SORCS2: variants seen among roughly 807,000 people sequenced by gnomAD.
SORCS2 encodes the protein VPS10 domain-containing receptor SorCS2.
Under a neutral mutation model 141.6 loss-of-function variants are expected in SORCS2, and 100 were observed. The observed-to-expected ratio is 0.71, with a 90% confidence interval of 0.60 to 0.83. The LOEUF (loss-of-function observed/expected upper bound fraction) is 0.83. Among genes scored for constraint, SORCS2 ranks in the 40% least tolerant of loss-of-function variants. The probability of loss-of-function intolerance (pLI) is 0.00; values close to 1 mark genes in which losing one functional copy is unlikely to be tolerated. For missense variants in SORCS2, 1,646 were observed against 1,560.2 expected (o/e 1.05, Z -0.93); for synonymous variants, 789 against 676.9 (o/e 1.17, Z -2.57).
At chr4:7,646,049 A>T (rs895469165) in intron 4 of SORCS2, among the ~76,000 whole-genome samples, 34 of 152,362 alleles carry the variant, frequency 2.2e-4, no homozygotes, top group South Asian at 4.1e-4. Flanking sequence ...CGGTCAGCAA[A>T]TGGGCCTTGC....
intron 11 of SORCS2, among the ~76,000 whole-genome samples, chr4:7,695,679 G>A (rs1577084413): frequency 1.3e-5 from 1 of 76,468 alleles, no homozygotes; most frequent in Non-Finnish European, 2.8e-5. Context: ...TGGATGGATG[G>A]ATGGATGGGT....
At chr4:7,195,267 C>A (rs1368840964) in intron 1 of SORCS2, among the ~76,000 whole-genome samples, 1 of 152,026 alleles carries the variant, frequency 6.6e-6, no homozygotes, top group Non-Finnish European at 1.5e-5. Context: ...GTCCAAGGAA[C>A]CAGAGAGGAG....
chr4:7,706,012 A>C lies in SORCS2; in HGVS notation c.1868+1728A>C. Among the ~76,000 whole-genome samples, 2 of 146,216 alleles carry C rather than the reference A, an allele frequency of 1.4e-5. 1 individual carries two copies. On this transcript the variant is annotated intron_variant, in intron 14 of 26. Transcript: ENST00000507866. ...CAGGCTGGCCTCTGCCTGGACAGGG[A>C]TGAGGCTGGGCTCTGTCTGGGCAGG...
At chr4:7,613,608 C>A (rs1300887210) in intron 3 of SORCS2, among the ~76,000 whole-genome samples, 1 of 152,156 alleles carries the variant, frequency 6.6e-6, no homozygotes, top group Non-Finnish European at 1.5e-5. Context: ...CATGGCTCAC[C>A]AAGAATGACC....
chr4:7,710,934 A>G (rs1247261082), intron 14 of SORCS2, among the ~76,000 whole-genome samples: 3 of 152,172 alleles, frequency 2.0e-5, no homozygotes, highest in Non-Finnish European at 2.9e-5. Flanking sequence ...ACGCACAGAG[A>G]AGAAAGCAGA....
At chr4:7,364,510 G>A (rs1721765417) in intron 1 of SORCS2, among the ~76,000 whole-genome samples, 1 of 152,138 alleles carries the variant, frequency 6.6e-6, no homozygotes, top group Non-Finnish European at 1.5e-5. Flanking sequence ...TCAATGGGGT[G>A]TACTCCTGAA....
chr4:7,725,831 C>G (rs1053092725), intron 20 of SORCS2, among the ~76,000 whole-genome samples: 1 of 152,244 alleles, frequency 6.6e-6, no homozygotes, highest in Non-Finnish European at 1.5e-5. Context: ...CAGCCCAGCA[C>G]CACCAGGCAG....
intron 1 of SORCS2, among the ~76,000 whole-genome samples, chr4:7,282,812 G>T (rs1049230380): frequency 1.3e-4 from 20 of 152,192 alleles, no homozygotes; most frequent in African/African-American, 4.1e-4. Context: ...AGGGGGTCTT[G>T]CCCTGTGGGA....
At chr4:7,477,173 G>C (rs1187139137) in intron 2 of SORCS2, among the ~76,000 whole-genome samples, 1 of 152,254 alleles carries the variant, frequency 6.6e-6, no homozygotes, top group African/African-American at 2.4e-5. Context: ...CTGTGGACAG[G>C]TCTCTAGATA....
intron 2 of SORCS2, among the ~76,000 whole-genome samples, chr4:7,438,203 C>T (rs1434758039): frequency 6.6e-6 from 1 of 152,196 alleles, no homozygotes; most frequent in East Asian, 1.9e-4. Flanking sequence ...GCCTCAGAGG[C>T]CTTCCATCGG....
At chr4:7,531,163 C>A (rs1711603462) in intron 2 of SORCS2, among the ~76,000 whole-genome samples, 1 of 152,234 alleles carries the variant, frequency 6.6e-6, no homozygotes, top group African/African-American at 2.4e-5. Flanking sequence ...AGGCAGTGAA[C>A]TATCCCTTTG....
At chr4:7,310,567 C>T (rs539517659) in intron 1 of SORCS2, 2 of 154,344 alleles carry the variant, frequency 1.3e-5, no homozygotes, top group Admixed American at 1.3e-4. Context: ...TACTAGTTGC[C>T]CCATGAGGCC....
rs1727072071 is a variant in SORCS2 at position 7,724,906 on chromosome 4, AGTAT to A, written c.2612-247_2612-244del. ...TGGTGGTGTTGGTGATGGTGGTGATAGTATTGGTGGGAATGGATGGTGGTAGTAG... is the reference window on the plus strand; with the variant it reads ...TGGTGGTGTTGGTGATGGTGGTGATATGGTGGGAATGGATGGTGGTAGTAG... On this transcript the variant is annotated intron_variant, in intron 19 of 26. Transcript: ENST00000507866. 2.5e-3 allele frequency among the ~76,000 whole-genome samples: 71 copies of A among 28,012 alleles called. 1 individual carries two copies. The highest frequency in any genetic ancestry group is 4.8e-3 in the African/African-American group (25 of 5,190). The allele number at this position is 28,012 out of a possible 152,430, so 18.4% of individuals were successfully genotyped here. A position where few individuals can be genotyped will look rare whatever the true frequency, so the allele number is the denominator to read the frequency against.
At chr4:7,492,253 G>T (rs149584979) in intron 2 of SORCS2, among the ~76,000 whole-genome samples, 1 of 152,162 alleles carries the variant, frequency 6.6e-6, no homozygotes, top group Admixed American at 6.5e-5. Flanking sequence ...CCCAGCCCCC[G>T]GTAACTACCA....
At chr4:7,590,660 C>T (rs866513939) in intron 3 of SORCS2, among the ~76,000 whole-genome samples, 16 of 152,214 alleles carry the variant, frequency 1.1e-4, no homozygotes, top group African/African-American at 1.9e-4. Flanking sequence ...AAGGTCACAA[C>T]GGCTAATAGG....
At chr4:7,288,998 C>G (rs1473188474) in intron 1 of SORCS2, among the ~76,000 whole-genome samples, 1 of 151,780 alleles carries the variant, frequency 6.6e-6, no homozygotes, top group Non-Finnish European at 1.5e-5. Context: ...TCATGCTGCC[C>G]TGGGTCACAG....
chr4:7,564,428 T>G (rs918461910), intron 3 of SORCS2, among the ~76,000 whole-genome samples: 1 of 152,198 alleles, frequency 6.6e-6, no homozygotes, highest in South Asian at 2.1e-4. Flanking sequence ...CCCCTTTCTG[T>G]AAGGACACTA....
intron 3 of SORCS2, among the ~76,000 whole-genome samples, chr4:7,618,145 C>T (rs1269159807): frequency 6.6e-6 from 1 of 152,124 alleles, no homozygotes; most frequent in Non-Finnish European, 1.5e-5. Flanking sequence ...AACTCTTCCA[C>T]CTGCTTCACA....
chr4:7,366,698 G>A (rs763069295), intron 1 of SORCS2, among the ~76,000 whole-genome samples: 2 of 151,776 alleles, frequency 1.3e-5, no homozygotes, highest in Admixed American at 6.6e-5. Context: ...CCCCTGCCCC[G>A]GCACCTCCAT....
Sources: gnomAD v4.1 joint callset for allele counts (sites outside exome capture counted in the v4.1 genomes callset) on GRCh38, gnomAD v4.1.1 for gene constraint, MANE v1.5 for transcripts, NCBI Gene and HGNC (gene_info 2026-07-23, HGNC 2026-07-21) for gene names.